Variants in PLXNA4 observed in about 807,000 individuals in gnomAD.
The protein encoded by PLXNA4 is plexin A4.
PLXNA4 carries 44 observed loss-of-function variants against 191.8 expected under a neutral mutation model. That is an observed-to-expected ratio of 0.23 (90% CI 0.18 to 0.29). The LOEUF is 0.29. PLXNA4 is among the 10% of genes least tolerant of loss of function. PLXNA4 has a pLI of 1.00. For missense variants in PLXNA4, 1,800 were observed against 2,488.8 expected (o/e 0.72, Z 5.89); for synonymous variants, 1,082 against 1,009.5 (o/e 1.07, Z -1.36).
chr7:132,548,616 C>G (rs920200030), intron 1 of PLXNA4, among the ~76,000 whole-genome samples: 1 of 152,188 alleles, frequency 6.6e-6, no homozygotes, highest in Non-Finnish European at 1.5e-5. Flanking sequence ...CCCAACGTAG[C>G]TTTTAAACCT....
chr7:132,418,726 T>C (rs1794746373), intron 3 of PLXNA4, among the ~76,000 whole-genome samples: 1 of 152,104 alleles, frequency 6.6e-6, no homozygotes, highest in Non-Finnish European at 1.5e-5. Context: ...AGGGGGCAAC[T>C]GGCAGTGACG....
intron 14 of PLXNA4, among the ~76,000 whole-genome samples, chr7:132,191,772 A>G (rs57776650): frequency 7.0e-6 from 1 of 142,662 alleles, no homozygotes; most frequent in East Asian, 2.1e-4. Context: ...TCCTCTCTCC[A>G]TCTCTCTCTC....
At chr7:132,165,351 G>A in intron 22 of PLXNA4, 151 bp from the exon 23 acceptor site, 1 of 1,248,832 alleles carries the variant, frequency 8.0e-7, no homozygotes, top group Non-Finnish European at 1.1e-6. Flanking sequence ...TAATGAATAT[G>A]AGAGTTTCAT....
intron 28 of PLXNA4, among the ~76,000 whole-genome samples, chr7:132,146,181 A>G (rs150686917): frequency 6.6e-6 from 1 of 152,110 alleles, no homozygotes; most frequent in East Asian, 1.9e-4. Context: ...ACCACAGAGA[A>G]GAAATCATTC....
intron 2 of PLXNA4, among the ~76,000 whole-genome samples, chr7:132,492,328 G>A (rs559948365): frequency 1.2e-3 from 177 of 152,232 alleles, no homozygotes; most frequent in Admixed American, 2.1e-3. Context: ...CCCCTTGGCT[G>A]GGCACGACAG....
In PLXNA4 at chr7:132,282,782, T is replaced by C. The variant is rs77093852; in HGVS notation, c.1503+15309A>G. On this transcript the variant is annotated intron_variant, in intron 4 of 31. Transcript: ENST00000321063. ...AAAGGGAGCTCAGTGTTTTAGAGTT[T>C]GGTCTCTGGTATTCTGGAGCAAAAC... Among the ~76,000 whole-genome samples the C allele has an allele frequency of 4.8e-3, 728 of 152,214 alleles. 4 individuals are homozygous for C. Among genetic ancestry groups the C allele is most frequent in the African/African-American group, 0.017 (702 of 41,522 alleles).
chr7:132,433,930 C>T (rs1359788575), intron 3 of PLXNA4, among the ~76,000 whole-genome samples: 4 of 152,194 alleles, frequency 2.6e-5, no homozygotes, highest in Non-Finnish European at 5.9e-5. Context: ...TAAGGATTCA[C>T]AGAAGGAAAA....
intron 2 of PLXNA4, among the ~76,000 whole-genome samples, chr7:132,588,553 G>A (rs1165647246): frequency 6.6e-6 from 1 of 150,674 alleles, no homozygotes; most frequent in African/African-American, 2.4e-5. Context: ...TTTCAGGCAT[G>A]ATCATAATTT....
chr7:132,147,743 G>T (rs1372934837), intron 27 of PLXNA4, among the ~76,000 whole-genome samples, 157 bp downstream of exon 27: 1 of 152,110 alleles, frequency 6.6e-6, no homozygotes, highest in Non-Finnish European at 1.5e-5. Flanking sequence ...TGAAACCAGG[G>T]TCCTCTTCCC....
rs117847895 is a variant in PLXNA4 at position 132,202,736 on chromosome 7, G to A, written c.2496C>T (p.Cys832=). ...ACGWCQGPGQ[C]TLRQHCPAQE... is the part of the protein sequence containing the mutation. ...GGGCAGGGCAGTGCTGGCGCAGGGTGCACTGGCCTGGGCCCTGGCACCAGC... is the reference window on the plus strand; with the variant it reads ...GGGCAGGGCAGTGCTGGCGCAGGGTACACTGGCCTGGGCCCTGGCACCAGC... Residue 832 remains cysteine (C), a synonymous_variant, in exon 12 of 32, where the codon TGC becomes TGT. Transcript: ENST00000321063. 1.8e-3 allele frequency: 2,844 copies of A among 1,611,110 alleles called. 7 individuals are homozygous for A. Among genetic ancestry groups the A allele is most frequent in the Non-Finnish European group, 2.1e-3 (2,478 of 1,178,620 alleles).
chr7:132,366,164 G>A (rs1804176119), intron 3 of PLXNA4: 1 of 152,180 alleles, frequency 6.6e-6, no homozygotes, highest in Non-Finnish European at 1.5e-5. Context: ...CTCACTTCCA[G>A]GACCAAGAGG....
intron 3 of PLXNA4, among the ~76,000 whole-genome samples, chr7:132,346,393 C>T (rs947966778): frequency 6.6e-6 from 1 of 152,178 alleles, no homozygotes; most frequent in African/African-American, 2.4e-5. Context: ...AAGTGACCTA[C>T]TCAAGTCAGT....
chr7:132,425,645 C>T (rs902700532), intron 3 of PLXNA4, among the ~76,000 whole-genome samples: 3 of 152,012 alleles, frequency 2.0e-5, no homozygotes, highest in African/African-American at 7.3e-5. Flanking sequence ...GGGCCACACA[C>T]TCAGCCAGAA....
intron 2 of PLXNA4, among the ~76,000 whole-genome samples, chr7:132,624,767 T>C (rs1316083524): frequency 1.3e-5 from 2 of 152,154 alleles, no homozygotes; most frequent in African/African-American, 4.8e-5. Context: ...AAGGCTGCCC[T>C]ATTTAGGCTC....
At chr7:132,581,997 T>C (rs1452237198), upstream of PLXNA4, among the ~76,000 whole-genome samples, 1 of 152,164 alleles carries the variant, frequency 6.6e-6, no homozygotes, top group Non-Finnish European at 1.5e-5. Flanking sequence ...CTTAACTCCA[T>C]TGGCCAGAAA....
At chr7:132,187,379 A>C (rs1796914256) in intron 15 of PLXNA4, 92 bp downstream of exon 15, 1 of 1,522,982 alleles carries the variant, frequency 6.6e-7, no homozygotes, top group Non-Finnish European at 8.8e-7. Context: ...CACCCTCCCA[A>C]CTCTCTGCAA....
intron 3 of PLXNA4, among the ~76,000 whole-genome samples, chr7:132,450,851 C>T (rs967299498): frequency 1.3e-5 from 2 of 152,164 alleles, no homozygotes; most frequent in African/African-American, 4.8e-5. Context: ...CTGAGCAAGT[C>T]GGAGGCCCAG....
intron 2 of PLXNA4, among the ~76,000 whole-genome samples, chr7:132,629,417 G>T (rs1164782315): frequency 6.6e-6 from 1 of 152,192 alleles, no homozygotes; most frequent in Non-Finnish European, 1.5e-5. Flanking sequence ...TTATTCTAAT[G>T]CTGAGTGCAC....
chr7:132,452,151 C>T (rs888979466), intron 3 of PLXNA4, among the ~76,000 whole-genome samples: 1 of 152,234 alleles, frequency 6.6e-6, no homozygotes, highest in African/African-American at 2.4e-5. Flanking sequence ...AGATGTTTTC[C>T]TCCCCTGCTT....
Sources: gnomAD v4.1 joint callset for allele counts (sites outside exome capture counted in the v4.1 genomes callset) on GRCh38, gnomAD v4.1.1 for gene constraint, MANE v1.5 for transcripts, NCBI Gene and HGNC (gene_info 2026-07-23, HGNC 2026-07-21) for gene names.